Variants in DOCK1 observed in about 807,000 individuals in gnomAD.
DOCK1 encodes the protein dedicator of cytokinesis 1.
A neutral mutation model predicts 262.7 loss-of-function variants in DOCK1; 138 were observed. The ratio of observed to expected loss-of-function variants is 0.53; its 90% CI spans 0.46 to 0.61. The LOEUF is 0.61. DOCK1 is among the 20% of genes least tolerant of loss of function. DOCK1 has a pLI of 0.00. For missense variants in DOCK1, 1,908 were observed against 2,370.7 expected, an observed-to-expected ratio of 0.80 and a Z score of 4.05; for synonymous variants, 866 against 867.4, an observed-to-expected ratio of 1.00 and a Z score of 0.03.
At chr10:126,924,727 G>A (rs1287992039) in intron 1 of DOCK1, among the ~76,000 whole-genome samples, 1 of 152,200 alleles carries the variant, frequency 6.6e-6, no homozygotes, top group African/African-American at 2.4e-5. Context: ...GTGTGGTCAA[G>A]GGCTCTAGAA....
intron 29 of DOCK1, among the ~76,000 whole-genome samples, chr10:127,332,165 A>G (rs2063012390): frequency 6.6e-6 from 1 of 152,222 alleles, no homozygotes; most frequent in Non-Finnish European, 1.5e-5. Context: ...ACAAGGGCCC[A>G]GTAATCTCGG....
At chr10:127,321,154 C>T (rs2766041) in intron 29 of DOCK1, among the ~76,000 whole-genome samples, 10,807 of 151,732 alleles carry the variant, frequency 0.071, 1,110 homozygotes, top group African/African-American at 0.23. Flanking sequence ...CCGCGTCTTG[C>T]GCTGTTTCCC....
chr10:127,195,810 C>A (rs2057087505), intron 27 of DOCK1, among the ~76,000 whole-genome samples: 2 of 152,170 alleles, frequency 1.3e-5, no homozygotes, highest in South Asian at 4.1e-4. Flanking sequence ...TGCGACCGCA[C>A]CGGGTCCGCT....
chr10:127,298,276 G>A (rs980213190), intron 29 of DOCK1, among the ~76,000 whole-genome samples: 3 of 152,176 alleles, frequency 2.0e-5, no homozygotes, highest in African/African-American at 4.8e-5. Context: ...TCACAGATGA[G>A]CCCCTTTTTT....
intron 29 of DOCK1, among the ~76,000 whole-genome samples, chr10:127,280,035 ATT>A (rs869218185): frequency 1.8e-4 from 11 of 59,742 alleles, no homozygotes; most frequent in Admixed American, 7.7e-4. Context: ...TATATATATA[ATT>A]TTTTTTTTTT....
intron 1 of DOCK1, among the ~76,000 whole-genome samples, chr10:126,942,101 T>C (rs1454228079): frequency 4.6e-5 from 7 of 151,988 alleles, no homozygotes; most frequent in East Asian, 2.0e-4. Flanking sequence ...CTCGGCTCAC[T>C]GCAAGCTCTG....
intron 27 of DOCK1, among the ~76,000 whole-genome samples, chr10:127,232,106 A>G (rs2058864840): frequency 6.6e-6 from 1 of 152,020 alleles, no homozygotes. Context: ...AGCGTTCCGT[A>G]GAGGGTACAG....
rs58618275 is a variant in DOCK1, at chr10:127,171,433, C to A, written c.2847+43669C>A. 7.4e-3 allele frequency among the ~76,000 whole-genome samples: 1,132 copies of A among 152,308 alleles called. 11 individuals are homozygous for A. Among genetic ancestry groups the A allele is most frequent in the African/African-American group, 0.026 (1,061 of 41,568 alleles). On this transcript the variant is annotated intron_variant, in intron 27 of 51. Transcript: ENST00000623213. ...CAAAGAATACTGGCTTCCCAAGGAG[C>A]AGGCCCATGACCCCTTTGGGCCAGG...
intron 25 of DOCK1, among the ~76,000 whole-genome samples, chr10:127,122,629 ATTT>A (rs34009633): frequency 2.8e-5 from 4 of 144,670 alleles, no homozygotes; most frequent in African/African-American, 7.7e-5. Context: ...GGTTATAACA[ATTT>A]TTTTTTTTTT....
chr10:127,045,138 C>T (rs1287729845), intron 21 of DOCK1, among the ~76,000 whole-genome samples: 3 of 136,358 alleles, frequency 2.2e-5, no homozygotes, highest in Non-Finnish European at 4.5e-5. Context: ...GCGGAGGTTG[C>T]AGTGAGCCGA....
chr10:126,962,581 A>G (rs931388043), intron 1 of DOCK1, among the ~76,000 whole-genome samples: 19,203 of 152,208 alleles, frequency 0.13, 1,303 homozygotes, highest in African/African-American at 0.17. Context: ...ACAGGCATGA[A>G]CCATGGCGCC....
In DOCK1 at chr10:127,061,733, A is replaced by G. The variant is rs370953579; in HGVS notation, c.2402A>G (p.Asn801Ser). Residue 801 changes from asparagine to serine, a missense_variant, in exon 23 of 52, where the codon AAT (asparagine) becomes AGT (serine). By Grantham distance (46) the Asn-to-Ser change is conservative. Around this residue, in one of 9 missense-constraint regions of DOCK1, gnomAD observed 518 missense variants for 575.1 expected, o/e 0.90. Coordinates refer to ENST00000623213, the MANE Select transcript of DOCK1 (RefSeq NM_001290223.2). ...TTGCTGCAGCTCTTCAGGTCCATCA[A>G]TGACATGATGAGCAGCATGTCAGAC... ...ESLLQLFRSI[N>S]DMMSSMSDQT... 3.6e-5 allele frequency: 57 copies of G among 1,596,460 alleles called. No homozygotes were observed. Among genetic ancestry groups the G allele is most frequent in the South Asian group, 6.9e-5 (6 of 87,420 alleles).
chr10:127,297,656 A>G (rs763646028), intron 29 of DOCK1, among the ~76,000 whole-genome samples: 2 of 152,194 alleles, frequency 1.3e-5, no homozygotes, highest in Non-Finnish European at 2.9e-5. Context: ...CTTCTTCCCA[A>G]CTTTACAGTA....
chr10:127,419,627 T>C (rs776715598), intron 45 of DOCK1, 39 bp from the exon 46 acceptor site: 2 of 1,561,678 alleles, frequency 1.3e-6, no homozygotes, highest in South Asian at 2.4e-5. Flanking sequence ...CTGTGTTTGC[T>C]GAGCAGGTGC....
intron 47 of DOCK1, among the ~76,000 whole-genome samples, chr10:127,429,023 C>CCGTGTGGATTGGGGTGT (rs2069082646): frequency 1.5e-5 from 2 of 131,690 alleles, no homozygotes; most frequent in Non-Finnish European, 3.2e-5. Context: ...GATTGGGGTG[C>CCGTGTGGATTGGGGTGT]CGTGTGGATT....
chr10:127,048,688 G>GT (rs2135704387), intron 21 of DOCK1, among the ~76,000 whole-genome samples: 1 of 152,296 alleles, frequency 6.6e-6, no homozygotes, highest in South Asian at 2.1e-4. Flanking sequence ...GTTGTGCCAG[G>GT]TGTGTTTCAA....
At chr10:127,147,996 AC>A (rs1476713454) in intron 27 of DOCK1, among the ~76,000 whole-genome samples, 1 of 128,448 alleles carries the variant, frequency 7.8e-6, no homozygotes, top group Non-Finnish European at 1.6e-5. Flanking sequence ...GCACCACTGC[AC>A]TCCAGCCTGG....
Position 127,415,135 on chromosome 10 carries a change from G to T in DOCK1, c.4429-17G>T, listed in dbSNP as rs2068082006. On this transcript the variant is annotated splice_polypyrimidine_tract_variant and intron_variant, in intron 43 of 51. Transcript: ENST00000623213. Reference sequence around the variant, plus strand: ...CATCCTTCTAACCCGTGTTGTGTGTGTGTGTTTCCTTTGCAGAATATGTGG... The same window carrying T: ...CATCCTTCTAACCCGTGTTGTGTGTTTGTGTTTCCTTTGCAGAATATGTGG... The T allele has an allele frequency of 6.2e-7, 1 of 1,610,828 alleles. No individual in the cohort carries two copies. The highest frequency in any genetic ancestry group is 1.7e-5 in the Admixed American group (1 of 59,932).
rs766249112 is a variant in DOCK1, at chr10:127,257,436, G to T, written c.3044+7G>T. On this transcript the variant is annotated splice_region_variant and intron_variant, in intron 29 of 51. Coordinates refer to ENST00000623213, the MANE Select transcript of DOCK1 (RefSeq NM_001290223.2). ...TGAACATGGTGCAAAATAAGTAAGT[G>T]TGGGGAAAACGGCTCTCACCTTTTC... is the stretch of plus-strand genomic sequence containing the variant. 3 of 1,594,382 alleles carry T rather than the reference G, an allele frequency of 1.9e-6. No individual in the cohort carries two copies. Among genetic ancestry groups the T allele is most frequent in the Non-Finnish European group, 2.6e-6 (3 of 1,169,184 alleles).
Sources: gnomAD v4.1 joint callset for allele counts (sites outside exome capture counted in the v4.1 genomes callset) on GRCh38, gnomAD v4.1.1 for gene constraint, gnomAD v4.1.1 regional missense constraint, MANE v1.5 for transcripts, NCBI Gene and HGNC (gene_info 2026-07-23, HGNC 2026-07-21) for gene names.